The following EHF variants were observed in gnomAD, a reference collection of about 807,000 sequenced individuals.
The protein encoded by EHF is ESE3 transcription factor.
EHF carries 14 observed loss-of-function variants against 45.1 expected under a neutral mutation model. The observed-to-expected ratio is 0.31, with a 90% CI of 0.21 to 0.49. EHF has a LOEUF of 0.49. Ranked by LOEUF, EHF falls within the 20% of genes least tolerant of loss-of-function variation. The probability of loss-of-function intolerance (pLI) is 0.99; values close to 1 mark genes in which losing one functional copy is unlikely to be tolerated. For synonymous variants in EHF, 136 were observed against 131.8 expected, an observed-to-expected ratio of 1.03 and a Z score of -0.22; for missense variants, 282 against 371.4, an observed-to-expected ratio of 0.76 and a Z score of 1.98.
chr11:34,648,418 A>G (rs1854797625), intron 3 of EHF, among the ~76,000 whole-genome samples: 1 of 152,106 alleles, frequency 6.6e-6, no homozygotes, highest in Admixed American at 6.5e-5. Context: ...GTTGCAAGCA[A>G]ACAAGGTCAT....
chr11:34,651,324 C>G (rs1855141739), intron 4 of EHF, among the ~76,000 whole-genome samples: 1 of 152,034 alleles, frequency 6.6e-6, no homozygotes, highest in Admixed American at 6.6e-5. Flanking sequence ...GCAATAGGTA[C>G]AGAACACATG....
At position 34,661,221 on chromosome 11, in the gene EHF, G is replaced by T. The variant is rs539235400; in HGVS notation, c.*2290G>T. On this transcript the variant is annotated 3_prime_UTR_variant, in exon 9 of 9. Transcript: ENST00000257831. ...ATCCAGTTACTTGAATGGGTATAACGCATGAATATTTGTGTGTCTGTGTGT... is the reference window on the plus strand; with the variant it reads ...ATCCAGTTACTTGAATGGGTATAACTCATGAATATTTGTGTGTCTGTGTGT... Among the ~76,000 whole-genome samples the T allele has an allele frequency of 6.6e-6, 1 of 152,232 alleles. No individual in the cohort carries two copies. Among genetic ancestry groups the T allele is most frequent in the Admixed American group, 6.5e-5 (1 of 15,272 alleles).
intron 2 of EHF, among the ~76,000 whole-genome samples, 159 bp downstream of exon 2, chr11:34,642,886 C>T (rs994048431): frequency 6.6e-6 from 1 of 152,110 alleles, no homozygotes; most frequent in Admixed American, 6.5e-5. Flanking sequence ...CCCTACCAGC[C>T]CCCAGCGTTC....
intron 1 of EHF, among the ~76,000 whole-genome samples, chr11:34,633,126 G>A (rs958317004): frequency 6.6e-6 from 1 of 152,150 alleles, no homozygotes; most frequent in Non-Finnish European, 1.5e-5. Flanking sequence ...CTCTGCAAGC[G>A]CTATATTCTG....
At chr11:34,651,876 T>G in intron 6 of EHF, 71 bp downstream of exon 6, 1 of 1,408,694 alleles carries the variant, frequency 7.1e-7, no homozygotes, top group African/African-American at 1.4e-5. Flanking sequence ...TTACCAACAC[T>G]CTACATTTCT....
chr11:34,651,642 A>G, intron 5 of EHF, 32 bp downstream of exon 5: 1 of 1,609,366 alleles, frequency 6.2e-7, no homozygotes. Context: ...AAGGCCCTTT[A>G]CATTCTTATT....
intron 1 of EHF, among the ~76,000 whole-genome samples, chr11:34,629,805 T>G (rs547821636): frequency 1.3e-4 from 20 of 152,312 alleles, no homozygotes; most frequent in Non-Finnish European, 2.8e-4. Flanking sequence ...CTGTGATGGC[T>G]GAGACATCAG....
chr11:34,646,747 C>T, intron 3 of EHF, 63 bp downstream of exon 3: 1 of 1,584,056 alleles, frequency 6.3e-7, no homozygotes, highest in Non-Finnish European at 8.6e-7. Context: ...AATAGAGATT[C>T]TGCAGATGAC....
At chr11:34,643,063 A>AGG (rs1317945384) in intron 2 of EHF, among the ~76,000 whole-genome samples, 13 of 133,702 alleles carry the variant, frequency 9.7e-5, no homozygotes, top group East Asian at 4.6e-4. Flanking sequence ...TAGGAGAGAA[A>AGG]GGGTATGTGT....
At position 34,663,265 on chromosome 11, in the gene EHF, A is replaced by C. The variant is rs754568681; in HGVS notation, c.*4334A>C. Among the ~76,000 whole-genome samples the C allele has an allele frequency of 6.6e-6, 1 of 152,164 alleles. No individual in the cohort carries two copies. Among genetic ancestry groups the C allele is most frequent in the Non-Finnish European group, 1.5e-5 (1 of 68,020 alleles). On this transcript the variant is annotated 3_prime_UTR_variant, in exon 9 of 9. Transcript: ENST00000257831. ...GATGGGTCCCAGGAAACACTAATAA[A>C]AACCACAGAGACCAGCCTGGAAATG...
chr11:34,622,960 A>G (rs1852082006), intron 1 of EHF, among the ~76,000 whole-genome samples: 1 of 152,240 alleles, frequency 6.6e-6, no homozygotes, highest in Non-Finnish European at 1.5e-5. Context: ...GCCTTCATCA[A>G]GACCTCTCAA....
chr11:34,644,737 T>C (rs1854345614), intron 2 of EHF, among the ~76,000 whole-genome samples: 1 of 152,214 alleles, frequency 6.6e-6, no homozygotes, highest in East Asian at 1.9e-4. Context: ...ATGGGCATTA[T>C]GGGAGTTAAA....
At chr11:34,637,029 CAAAAAAA>C (rs34992133) in intron 1 of EHF, among the ~76,000 whole-genome samples, 1 of 86,888 alleles carries the variant, frequency 1.2e-5, no homozygotes, top group Non-Finnish European at 2.2e-5. Flanking sequence ...AACTTCATCT[CAAAAAAA>C]AAAAAAAAAA....
At chr11:34,634,193 T>TC (rs1853176064) in intron 1 of EHF, among the ~76,000 whole-genome samples, 1 of 152,042 alleles carries the variant, frequency 6.6e-6, no homozygotes, top group South Asian at 2.1e-4. Flanking sequence ...TACATGGATT[T>TC]TTTTTTCTCT....
At chr11:34,623,238 A>G (rs1002498026) in intron 1 of EHF, among the ~76,000 whole-genome samples, 3 of 152,038 alleles carry the variant, frequency 2.0e-5, no homozygotes, top group Non-Finnish European at 4.4e-5. Flanking sequence ...TGTGCTCGCC[A>G]CTATGCCCAG....
chr11:34,656,014 G>T (rs1442731181), intron 6 of EHF, among the ~76,000 whole-genome samples: 1 of 151,978 alleles, frequency 6.6e-6, no homozygotes, highest in African/African-American at 2.4e-5. Context: ...TGATTTTTGA[G>T]TGTGAGAGTC....
At chr11:34,645,319 CTGAATGTACCATCTTG>C (rs1195624519) in intron 2 of EHF, among the ~76,000 whole-genome samples, 3 of 152,158 alleles carry the variant, frequency 2.0e-5, no homozygotes, top group African/African-American at 4.8e-5. Flanking sequence ...TCATTGGCAT[CTGAATGTACCATCTTG>C]TGAATGTACC....
At chr11:34,648,951 C>T (rs1854861891) in intron 3 of EHF, 68 bp from the exon 4 acceptor site, 1 of 1,466,020 alleles carries the variant, frequency 6.8e-7, no homozygotes, top group Non-Finnish European at 9.5e-7. Flanking sequence ...CCAGTTCTGT[C>T]CTTATTTAAG....
chr11:34,636,355 T>C (rs35556136), intron 1 of EHF, among the ~76,000 whole-genome samples: 56,928 of 152,106 alleles, frequency 0.37, 13,592 homozygotes, highest in Non-Finnish European at 0.53. Flanking sequence ...CAGGATTTGA[T>C]CTGTGGCCAT....
Sources: allele counts gnomAD v4.1 joint callset (sites outside exome capture counted in the v4.1 genomes callset), GRCh38; gene constraint gnomAD v4.1.1; transcripts MANE v1.5; gene names NCBI Gene and HGNC (gene_info 2026-07-23, HGNC 2026-07-21).